TTBK2: variants seen among roughly 807,000 people sequenced by gnomAD.
TTBK2 encodes the protein tau tubulin kinase 2.
Under a neutral mutation model 110.8 loss-of-function variants are expected in TTBK2, and 28 were observed. The observed-to-expected ratio is 0.25, with a 90% CI of 0.19 to 0.35. The LOEUF (loss-of-function observed/expected upper bound fraction) is 0.35. TTBK2 is among the 10% of genes least tolerant of loss of function. TTBK2 has a pLI of 1.00. For missense variants in TTBK2, 1,369 were observed against 1,500.3 expected, an observed-to-expected ratio of 0.91 and a Z score of 1.45; for synonymous variants, 532 against 527.3, an observed-to-expected ratio of 1.01 and a Z score of -0.12.
chr15:42,827,960 G>T lies in TTBK2; in HGVS notation c.505C>A (p.Gln169Lys). ...CYMLDFGLAR[Q>K]FTNSCGDVRP... ...ACGTCACCACAGGAATTGGTAAATTGTCGAGCCAAGCCAAAATCAAGCATG... is the reference window on the plus strand; with the variant it reads ...ACGTCACCACAGGAATTGGTAAATTTTCGAGCCAAGCCAAAATCAAGCATG... Residue 169 changes from glutamine (Q) to lysine (K), a missense_variant, in exon 6 of 15, where the codon CAA becomes AAA. Around this residue, in one of 4 missense-constraint regions of TTBK2, gnomAD observed 138 missense variants for 179.0 expected, o/e 0.77. Transcript: ENST00000267890. 1 of 1,613,610 alleles carries T rather than the reference G, an allele frequency of 6.2e-7. No individual in the cohort carries two copies. Among genetic ancestry groups the T allele is most frequent in the South Asian group, 1.1e-5 (1 of 91,056 alleles).
chr15:42,820,712 G>A (rs1169629183), intron 6 of TTBK2, among the ~76,000 whole-genome samples: 2 of 151,500 alleles, frequency 1.3e-5, no homozygotes, highest in East Asian at 3.9e-4. Context: ...AAAAAAAAAA[G>A]GGGTCGGGCC....
At chr15:42,756,852 C>G (rs997124406) in intron 13 of TTBK2, among the ~76,000 whole-genome samples, 1 of 149,512 alleles carries the variant, frequency 6.7e-6, no homozygotes, top group Non-Finnish European at 1.5e-5. Flanking sequence ...GGCAACATAG[C>G]AATACCCCAC....
intron 1 of TTBK2, among the ~76,000 whole-genome samples, chr15:42,881,188 C>A (rs1895026295): frequency 6.9e-6 from 1 of 145,894 alleles, no homozygotes; most frequent in South Asian, 2.1e-4. Flanking sequence ...GAGGCTGAGG[C>A]AGGAGAATGG....
At chr15:42,829,546 C>T (rs1892664113) in intron 5 of TTBK2, among the ~76,000 whole-genome samples, 1 of 152,168 alleles carries the variant, frequency 6.6e-6, no homozygotes, top group Admixed American at 6.5e-5. Context: ...TTTTAAGAGA[C>T]AGGGTCTCAC....
intron 10 of TTBK2, 37 bp downstream of exon 10, chr15:42,794,607 A>T (rs751864432): frequency 6.2e-7 from 1 of 1,614,174 alleles, no homozygotes; most frequent in South Asian, 1.1e-5. Context: ...TAATACATCC[A>T]GGAAAGACAC....
In TTBK2 at chr15:42,794,690, A is replaced by T. The variant is rs370732710; in HGVS notation, c.934T>A (p.Ser312Thr). 6.5e-5 allele frequency: 105 copies of T among 1,614,008 alleles called. No individual in the cohort carries two copies. Among genetic ancestry groups the T allele is most frequent in the Non-Finnish European group, 8.1e-5 (95 of 1,180,034 alleles). Residue 312 changes from serine to threonine, a missense_variant, in exon 10 of 15, where the codon TCT becomes ACT. By Grantham distance (58) the Ser-to-Thr change is moderately conservative. This residue lies in a region of TTBK2 where 1,097 missense variants were observed against 1,114.7 expected (regional missense o/e 0.98). Transcript: ENST00000267890. ...NDGSLTTTTTSTTPQLHTRLT... is the reference protein window; with the variant it reads ...NDGSLTTTTTTTTPQLHTRLT... ...CGAGTGTGCAACTGAGGGGTGGTAGAAGTAGTGGTGGTTGTTAGGGAGCCA... is the reference window on the plus strand; with the variant it reads ...CGAGTGTGCAACTGAGGGGTGGTAGTAGTAGTGGTGGTTGTTAGGGAGCCA...
chr15:42,886,204 G>A (rs998926413), intron 1 of TTBK2, among the ~76,000 whole-genome samples: 7 of 151,782 alleles, frequency 4.6e-5, no homozygotes, highest in African/African-American at 1.7e-4. Flanking sequence ...GCTGCTCCTC[G>A]CCAGGCCAAG....
chr15:42,862,554 C>T (rs983595927), intron 3 of TTBK2, among the ~76,000 whole-genome samples: 3 of 152,060 alleles, frequency 2.0e-5, no homozygotes, highest in African/African-American at 7.2e-5. Flanking sequence ...ATGATAAATA[C>T]CCTCAACAGA....
At chr15:42,826,324 C>A (rs1432907985) in intron 6 of TTBK2, among the ~76,000 whole-genome samples, 6 of 152,018 alleles carry the variant, frequency 3.9e-5, no homozygotes, top group African/African-American at 1.4e-4. Flanking sequence ...GATCCCAAAA[C>A]AGACAGGAGC....
chr15:42,903,943 T>TCTGCTAGAATATTACA (rs1323949173), intron 1 of TTBK2, among the ~76,000 whole-genome samples: 1 of 152,208 alleles, frequency 6.6e-6, no homozygotes, highest in Non-Finnish European at 1.5e-5. Flanking sequence ...TGAGGCAGCT[T>TCTGCTAGAATATTACA]CTGCTAGAAT....
At chr15:42,865,204 G>A (rs961033838) in intron 3 of TTBK2, among the ~76,000 whole-genome samples, 5 of 152,206 alleles carry the variant, frequency 3.3e-5, no homozygotes, top group East Asian at 3.9e-4. Context: ...TACTATGGAC[G>A]GTCGAGGTGG....
intron 3 of TTBK2, among the ~76,000 whole-genome samples, chr15:42,853,722 T>C (rs1258118476): frequency 1.3e-5 from 2 of 152,008 alleles, no homozygotes; most frequent in Admixed American, 6.6e-5. Context: ...GAACATACTA[T>C]GGAGCGAACA....
rs141614562 is a variant in TTBK2 at position 42,827,779 on chromosome 15, ATT to A, written c.537+147_537+148del. The A allele has an allele frequency of 1.5e-3, 1,051 of 695,218 alleles. 11 individuals are homozygous for A. In the African/African-American group the frequency reaches 0.018, roughly 12 times the overall value. 43.1% of individuals were successfully genotyped at this position (695,218 alleles called of 1,614,324 possible). ...GCCACAAATTTCAACAATAAAATTT[ATT>A]GTCATTCTATAATTTAATCATTAAA... is the stretch of plus-strand genomic sequence containing the variant. On this transcript the variant is annotated intron_variant, in intron 6 of 14. Transcript: ENST00000267890.
intron 6 of TTBK2, among the ~76,000 whole-genome samples, chr15:42,818,670 A>G (rs761853790): frequency 6.6e-6 from 1 of 152,120 alleles, no homozygotes; most frequent in South Asian, 2.1e-4. Context: ...AAGTGAGCGG[A>G]GATCGCGCCA....
chr15:42,787,491 T>C (rs1890460728), intron 10 of TTBK2, among the ~76,000 whole-genome samples: 1 of 152,190 alleles, frequency 6.6e-6, no homozygotes, highest in Non-Finnish European at 1.5e-5. Context: ...GTGGGCAAGA[T>C]TCACTGATGG....
chr15:42,773,725 A>G (rs1177021486), intron 13 of TTBK2, among the ~76,000 whole-genome samples: 1 of 152,228 alleles, frequency 6.6e-6, no homozygotes, highest in Non-Finnish European at 1.5e-5. Flanking sequence ...ACAGCATAAT[A>G]GAGTTAAAGA....
chr15:42,848,983 T>A (rs1440989183), intron 3 of TTBK2, among the ~76,000 whole-genome samples: 1 of 152,220 alleles, frequency 6.6e-6, no homozygotes, highest in Non-Finnish European at 1.5e-5. Context: ...ATTTTCTATA[T>A]AGACAATCAT....
intron 6 of TTBK2, among the ~76,000 whole-genome samples, chr15:42,826,706 G>A (rs188331487): frequency 3.3e-5 from 5 of 152,294 alleles, no homozygotes. Flanking sequence ...CCATGTGACA[G>A]CCCCGGAGTC....
chr15:42,768,301 C>T (rs1889485164), intron 13 of TTBK2, among the ~76,000 whole-genome samples: 2 of 152,126 alleles, frequency 1.3e-5, no homozygotes, highest in African/African-American at 4.8e-5. Context: ...GGTATTCAAT[C>T]AGGAAAAGAG....
Sources: gnomAD v4.1 joint callset for allele counts (sites outside exome capture counted in the v4.1 genomes callset) on GRCh38, gnomAD v4.1.1 for gene constraint, gnomAD v4.1.1 regional missense constraint, MANE v1.5 for transcripts, NCBI Gene and HGNC (gene_info 2026-07-23, HGNC 2026-07-21) for gene names.